Variants in CLNK observed in about 807,000 individuals in gnomAD.
CLNK encodes the protein cytokine dependent hematopoietic cell linker.
CLNK carries 74 observed loss-of-function variants against 68.6 expected under a neutral mutation model. The ratio of observed to expected loss-of-function variants is 1.08; its 90% CI spans 0.89 to 1.31. The LOEUF is 1.31. CLNK is among the 50% of genes most tolerant of loss of function. CLNK has a pLI of 0.00. For synonymous variants in CLNK, 198 were observed against 172.2 expected, an observed-to-expected ratio of 1.15 and a Z score of -1.17; for missense variants, 553 against 515.3, an observed-to-expected ratio of 1.07 and a Z score of -0.71.
chr4:10,695,481 A>G, the CLNK span, among the ~76,000 whole-genome samples: 240 of 152,350 alleles, frequency 1.6e-3, no homozygotes, highest in African/African-American at 5.4e-3. Context: ...ATCCCTGGCC[A>G]ACTCCAAGCC....
At position 10,633,361 on chromosome 4, in the gene CLNK, A is replaced by T. The variant is rs75316968; in HGVS notation, c.11+34498T>A. ...TCTTTGTGCATGTGTTACCATCTTC[A>T]TCAGCTTTGTTGCGACTGATGGGCT... On this transcript the variant is annotated intron_variant, in intron 2 of 18. Transcript: ENST00000226951. Among the ~76,000 whole-genome samples the T allele has an allele frequency of 2.7e-3, 412 of 152,350 alleles. 7 individuals carry two copies. The East Asian group carries it at 0.033, about 12-fold the overall frequency.
chr4:10,711,178 G>A, the CLNK span, among the ~76,000 whole-genome samples: 1 of 152,174 alleles, frequency 6.6e-6, no homozygotes, highest in Non-Finnish European at 1.5e-5. Flanking sequence ...CCAAACCTAT[G>A]TCTGGAACAC....
At chr4:10,598,474 G>A (rs1446538795) in intron 2 of CLNK, among the ~76,000 whole-genome samples, 1 of 152,184 alleles carries the variant, frequency 6.6e-6, no homozygotes, top group Non-Finnish European at 1.5e-5. Flanking sequence ...CCGTGAGCCA[G>A]GCAATGTCTC....
chr4:10,599,710 C>T (rs1721517535), intron 2 of CLNK, among the ~76,000 whole-genome samples: 1 of 152,148 alleles, frequency 6.6e-6, no homozygotes. Context: ...CCCACCCCTC[C>T]CCCTCTATCA....
chr4:10,585,025 A>G, intron 3 of CLNK, 70 bp from the exon 4 acceptor site: 2 of 1,532,680 alleles, frequency 1.3e-6, no homozygotes, highest in Non-Finnish European at 1.8e-6. Flanking sequence ...CCACATAGGA[A>G]CAGGCAGTCA....
chr4:10,567,939 TG>T lies in CLNK; in HGVS notation c.151-1790del, dbSNP rs569259855. 5.6e-3 allele frequency among the ~76,000 whole-genome samples: 856 copies of T among 152,206 alleles called. 10 individuals carry two copies. Among genetic ancestry groups the T allele is most frequent in the African/African-American group, 0.02 (823 of 41,508 alleles). ...AAAATAATCAGGGCTGACAAGAATG[TG>T]GAGAATTTGAGGATCTCATGCATTG... On this transcript the variant is annotated intron_variant, in intron 5 of 18. Coordinates refer to ENST00000226951, the MANE Select transcript of CLNK (RefSeq NM_052964.4).
intron 2 of CLNK, among the ~76,000 whole-genome samples, chr4:10,610,632 A>T (rs1721977927): frequency 6.6e-6 from 1 of 152,112 alleles, no homozygotes; most frequent in Non-Finnish European, 1.5e-5. Flanking sequence ...TAGACCATCA[A>T]TGTATGTAAT....
intron 11 of CLNK, among the ~76,000 whole-genome samples, chr4:10,533,771 T>C (rs966742509): frequency 2.6e-5 from 4 of 152,246 alleles, no homozygotes; most frequent in Non-Finnish European, 4.4e-5. Flanking sequence ...AAAGATTGGC[T>C]GTAGGGCTTC....
chr4:10,562,101 C>CTTTTTTTTTT (rs11345903), intron 7 of CLNK, among the ~76,000 whole-genome samples: 3 of 129,290 alleles, frequency 2.3e-5, no homozygotes, highest in Admixed American at 8.1e-5. Flanking sequence ...TTTTTCTTTT[C>CTTTTTTTTTT]TTTTTTTTTT....
intron 14 of CLNK, among the ~76,000 whole-genome samples, chr4:10,521,580 C>G (rs1368309927): frequency 6.6e-6 from 1 of 152,168 alleles, no homozygotes; most frequent in Non-Finnish European, 1.5e-5. Context: ...TTAAATGAAA[C>G]CTGATCCATT....
In CLNK at chr4:10,603,423, A is replaced by G. The variant is rs767089388; in HGVS notation, c.12-5374T>C. ...TCCATTTAATCCTCTTAACAATCCT[A>G]TGAGACCAGTCCTATTCTATCCTCA... is the stretch of plus-strand genomic sequence containing the variant. On this transcript the variant is annotated intron_variant, in intron 2 of 18. Transcript: ENST00000226951. 2.4e-4 allele frequency among the ~76,000 whole-genome samples: 37 copies of G among 152,208 alleles called. 1 individual carries two copies. The highest frequency in any genetic ancestry group is 1.2e-4 in the Non-Finnish European group (8 of 68,038).
chr4:10,513,575 G>T lies in CLNK; in HGVS notation c.795C>A (p.Pro265=). ...QNRDHRGGMQ[P]CSPQRCQPPA... ...GAGGCTGGCATCTCTGAGGAGAACA[G>T]GGCTGCATGCCTCCTCTATGATCTG... Residue 265 remains proline, a synonymous_variant, in exon 16 of 19, where the codon CCC becomes CCA. Transcript: ENST00000226951. The T allele has an allele frequency of 6.2e-7, 1 of 1,604,382 alleles. No individual in the cohort carries two copies. Among genetic ancestry groups the T allele is most frequent in the Non-Finnish European group, 8.5e-7 (1 of 1,175,348 alleles).
At chr4:10,541,866 A>T (rs74945830) in intron 10 of CLNK, among the ~76,000 whole-genome samples, 156 bp downstream of exon 10, 6,089 of 151,772 alleles carry the variant, frequency 0.04, 310 homozygotes, top group East Asian at 0.13. Flanking sequence ...TGTTCATTGA[A>T]CATCTCATAT....
rs151022171 is a variant in CLNK, at chr4:10,643,431, G to A, written c.11+24428C>T. Among the ~76,000 whole-genome samples, 124 of 152,370 alleles carry A rather than the reference G, an allele frequency of 8.1e-4. 4 individuals carry two copies. The East Asian group carries it at 0.022, about 27-fold the overall frequency. On this transcript the variant is annotated intron_variant, in intron 2 of 18. Transcript: ENST00000226951. ...TCCTGATGATGCCTACAGTTCAGAA[G>A]TAAGAAAATAGTCTATCATGGTTGC...
rs1716378324 is a variant in CLNK, at chr4:10,486,987, T to C, written c.*3480A>G. The C allele has an allele frequency of 6.6e-6, 1 of 152,212 alleles. No homozygotes were observed. The highest frequency in any genetic ancestry group is 2.4e-5 in the African/African-American group (1 of 41,444). The allele number at this position is 152,212 out of a possible 1,614,324, so 9.4% of individuals were successfully genotyped here. A position where few individuals can be genotyped will look rare whatever the true frequency, so the allele number is the denominator to read the frequency against. On this transcript the variant is annotated 3_prime_UTR_variant, in exon 19 of 19. Transcript: ENST00000226951. ...ATACACATGCAGTACACAAAGGTGCTAACACAATATATGACTAATGATGAG... is the reference window on the plus strand; with the variant it reads ...ATACACATGCAGTACACAAAGGTGCCAACACAATATATGACTAATGATGAG...
intron 2 of CLNK, among the ~76,000 whole-genome samples, chr4:10,660,595 T>C (rs1024439398): frequency 1.3e-5 from 2 of 152,196 alleles, no homozygotes; most frequent in Admixed American, 6.5e-5. Context: ...TCAAAGACCA[T>C]AATGATGAAA....
intron 2 of CLNK, among the ~76,000 whole-genome samples, chr4:10,665,862 C>G (rs985134833): frequency 3.3e-5 from 5 of 152,198 alleles, no homozygotes; most frequent in African/African-American, 1.2e-4. Flanking sequence ...TATCCACATC[C>G]AAATCTCCAT....
intron 8 of CLNK, among the ~76,000 whole-genome samples, chr4:10,555,822 A>G (rs377409190): frequency 1.3e-5 from 2 of 151,476 alleles, no homozygotes; most frequent in African/African-American, 4.9e-5. Flanking sequence ...AAGCATTTTT[A>G]AGCAAGATGC....
chr4:10,493,301 G>A (rs535832192), intron 18 of CLNK, among the ~76,000 whole-genome samples: 1 of 152,320 alleles, frequency 6.6e-6, no homozygotes, highest in South Asian at 2.1e-4. Flanking sequence ...CTGGGAGACA[G>A]AAGAGACTTC....
Sources: gnomAD v4.1 joint callset for allele counts (sites outside exome capture counted in the v4.1 genomes callset) on GRCh38, gnomAD v4.1.1 for gene constraint, MANE v1.5 for transcripts, NCBI Gene and HGNC (gene_info 2026-07-23, HGNC 2026-07-21) for gene names.